Variants in TTC16 observed in about 807,000 individuals in gnomAD.
TTC16 encodes the protein tetratricopeptide repeat protein 16.
Under a neutral mutation model 80.4 loss-of-function variants are expected in TTC16, and 66 were observed. That is an observed-to-expected ratio of 0.82 (90% confidence interval 0.67 to 1.01). The LOEUF (loss-of-function observed/expected upper bound fraction) is 1.01. TTC16 is among the 50% of genes least tolerant of loss of function. The probability of loss-of-function intolerance (pLI) is 0.00; values close to 1 mark genes in which losing one functional copy is unlikely to be tolerated. For synonymous variants in TTC16, 438 were observed against 451.3 expected (o/e 0.97, Z 0.37); for missense variants, 1,070 against 1,103.2 (o/e 0.97, Z 0.43).
At chr9:127,717,245 T>C in intron 2 of TTC16, 89 bp from the exon 3 acceptor site, 1 of 1,382,866 alleles carries the variant, frequency 7.2e-7, no homozygotes, top group Non-Finnish European at 1.0e-6. Context: ...CCCAGCTCCC[T>C]TGCTTCCCAC....
In TTC16 at chr9:127,724,213, G is replaced by A. The variant is rs1843724470; in HGVS notation, c.966G>A (p.Met322Ile). The stretch of plus-strand genomic sequence containing the variant: ...TGGTGACCGAGGACCAGGAGGACAT[G>A]GTGCGGCAGGCACAGCGCCAGCTGT... ...LDMVTEDQEDMVRQAQRQLLL... is the reference protein window; with the variant it reads ...LDMVTEDQEDIVRQAQRQLLL... The change falls in exon 8 of 14, where the codon ATG becomes ATA. Residue 322 changes from methionine to isoleucine, a missense_variant. Transcript: ENST00000373289. 1 of 1,613,174 alleles carries A rather than the reference G, an allele frequency of 6.2e-7. No homozygotes were observed. The highest frequency in any genetic ancestry group is 1.6e-4 in the Middle Eastern group (1 of 6,062).
chr9:127,720,038 TG>T (rs1165965595), intron 4 of TTC16, 39 bp from the exon 5 acceptor site: 1 of 1,591,216 alleles, frequency 6.3e-7, no homozygotes, highest in Non-Finnish European at 8.6e-7. Context: ...GCAGCTGGGC[TG>T]GGGTGGCAAG....
In TTC16 at chr9:127,724,140, T is replaced by C. The variant is rs769321657; in HGVS notation, c.893T>C (p.Leu298Pro). The C allele has an allele frequency of 1.9e-6, 3 of 1,612,366 alleles. No homozygotes were observed. The highest frequency in any genetic ancestry group is 2.2e-5 in the South Asian group (2 of 91,032). Residue 298 changes from leucine to proline, a missense_variant, in exon 8 of 14, where the codon CTC becomes CCC. By Grantham distance (98) the Leu-to-Pro change is moderately conservative. Transcript: ENST00000373289. ...FLFRGTMYRR[L>P]QEFDGAVEDF... ...GACAGGGGCACCATGTACCGACGGCTCCAGGAGTTCGATGGGGCAGTGGAG... is the reference window on the plus strand; with the variant it reads ...GACAGGGGCACCATGTACCGACGGCCCCAGGAGTTCGATGGGGCAGTGGAG...
chr9:127,730,144 C>T (rs897344188), intron 13 of TTC16: 12 of 224,740 alleles, frequency 5.3e-5, no homozygotes, highest in Non-Finnish European at 1.1e-4. Flanking sequence ...GTGCTCAATA[C>T]TAGGCACAGG....
At chr9:127,720,205 C>T (rs574991048) in intron 5 of TTC16, 27 bp downstream of exon 5, 4 of 1,613,604 alleles carry the variant, frequency 2.5e-6, no homozygotes, top group South Asian at 1.1e-5. Flanking sequence ...GCCCCTTCTC[C>T]CAGCACCCAC....
At chr9:127,721,382 G>T (rs1265966652) in intron 6 of TTC16, among the ~76,000 whole-genome samples, 1 of 152,066 alleles carries the variant, frequency 6.6e-6, no homozygotes, top group Non-Finnish European at 1.5e-5. Flanking sequence ...CAGAAGGCAG[G>T]GCCGGAGTCT....
rs760262717 is a variant in TTC16 at position 127,716,956 on chromosome 9, G to A, written c.131G>A (p.Ser44Asn). The A allele has an allele frequency of 2.5e-5, 40 of 1,614,078 alleles. No homozygotes were observed. Among genetic ancestry groups the A allele is most frequent in the Non-Finnish European group, 3.4e-5 (40 of 1,180,018 alleles). Residue 44 changes from serine to asparagine, a missense_variant, in exon 2 of 14, where the codon AGC becomes AAC. Transcript: ENST00000373289. ...TTTGGGACCAGCCACGTGTTCCAAA[G>A]CATCTGTGATGTAAAACCAAAGGTC... ...HIFGTSHVFQ[S>N]ICDVKPKVTG...
chr9:127,719,694 T>C (rs938145906), intron 4 of TTC16, among the ~76,000 whole-genome samples: 1 of 152,222 alleles, frequency 6.6e-6, no homozygotes, highest in Non-Finnish European at 1.5e-5. Flanking sequence ...GGTTTCACCA[T>C]GTTGGCCAGG....
At chr9:127,716,322 C>T in intron 1 of TTC16, 159 bp downstream of exon 1, 2 of 1,094,426 alleles carry the variant, frequency 1.8e-6, no homozygotes, top group Non-Finnish European at 2.7e-6. Flanking sequence ...TGTGAAAGAT[C>T]CTTGTAAGGC....
rs1231656773 is a variant in TTC16 at position 127,731,039 on chromosome 9, C to G, written c.2256C>G (p.Thr752=). Residue 752 remains threonine (T), a synonymous_variant, in exon 14 of 14, where the codon ACC becomes ACG. Transcript: ENST00000373289. The part of the protein sequence containing the change: ...QRQSSSEIEA[T]QGPRQEPSKT... ...AGAGCTCCAGCGAGATTGAGGCCAC[C>G]CAGGGCCCAAGGCAGGAGCCCAGCA... The G allele has an allele frequency of 3.7e-6, 6 of 1,612,786 alleles. No homozygotes were observed. The highest frequency in any genetic ancestry group is 4.2e-6 in the Non-Finnish European group (5 of 1,179,920).
In TTC16 at chr9:127,729,571, C is replaced by T. The variant is rs1159178461; in HGVS notation, c.1765-10C>T. 6.2e-7 allele frequency: 1 copy of T among 1,613,340 alleles called. No homozygotes were observed. The highest frequency in any genetic ancestry group is 1.3e-5 in the African/African-American group (1 of 74,918). ...ACCATCTGAACTACAAAGCCTGTTT[C>T]TTGCCATAGGAGAAAAAATCAGAGC... On this transcript the variant is annotated splice_polypyrimidine_tract_variant and intron_variant, in intron 12 of 13. Transcript: ENST00000373289.
Position 127,724,376 on chromosome 9 carries a change from C to G in TTC16, c.1117+12C>G. 1 of 1,611,558 alleles carries G rather than the reference C, an allele frequency of 6.2e-7. No individual in the cohort carries two copies. ...CATCAACCGAGGCGGTGCGCAGCGA[C>G]CAGGGCACTGGGGAGGGGGGGTGCG... On this transcript the variant is annotated intron_variant, in intron 8 of 13. Transcript: ENST00000373289.
At chr9:127,730,491 G>A in intron 13 of TTC16, 145 bp from the exon 14 acceptor site, 1 of 1,266,006 alleles carries the variant, frequency 7.9e-7, no homozygotes, top group Non-Finnish European at 1.1e-6. Context: ...TGGGGGCTGG[G>A]CGGGGGTGAT....
rs1420237898 is a variant in TTC16 at position 127,717,421 on chromosome 9, G to A, written c.279G>A (p.Gln93=). ...CCCGCGCACTCCACCTGGACCCACA[G>A]CTGGTGAGAGGCAGACCTGGGTGGG... ...LFSRALHLDP[Q]LVDFYALRAE... The change falls in exon 3 of 14, where the codon CAG becomes CAA. Residue 93 remains glutamine (Q), a synonymous_variant. Coordinates refer to ENST00000373289, the MANE Select transcript of TTC16 (RefSeq NM_144965.3). 6.2e-7 allele frequency: 1 copy of A among 1,612,070 alleles called. No individual in the cohort carries two copies. The highest frequency in any genetic ancestry group is 8.5e-7 in the Non-Finnish European group (1 of 1,178,880).
intron 8 of TTC16, 65 bp downstream of exon 8, chr9:127,724,429 C>CA: frequency 1.9e-6 from 3 of 1,585,542 alleles, no homozygotes; most frequent in Non-Finnish European, 2.6e-6. Flanking sequence ...CTAAGGCCCC[C>CA]ACTGGGCACT....
Position 127,730,509 on chromosome 9 carries a change from T to A in TTC16, c.1853-127T>A, listed in dbSNP as rs373897230. ...GGGCTGGGCGGGGGTGATCTGCAGG[T>A]CTTTCCCTTTGGTGATGCGAAGCCT... On this transcript the variant is annotated intron_variant, in intron 13 of 13. Coordinates refer to ENST00000373289, the MANE Select transcript of TTC16 (RefSeq NM_144965.3). The A allele has an allele frequency of 2.9e-6, 4 of 1,403,438 alleles. No homozygotes were observed. In the African/African-American group the frequency reaches 5.8e-5, roughly 20 times the overall value. 86.9% of individuals were successfully genotyped at this position (1,403,438 alleles called of 1,614,324 possible). A position where few individuals can be genotyped will look rare whatever the true frequency, so the allele number is the denominator to read the frequency against.
chr9:127,716,134 G>A lies in TTC16; in HGVS notation c.-12G>A, dbSNP rs370034474. The A allele has an allele frequency of 1.3e-5, 21 of 1,613,876 alleles. No homozygotes were observed. The highest frequency in any genetic ancestry group is 1.4e-5 in the Non-Finnish European group (16 of 1,180,026). ...TTGGCAGAGGCCTCGGGGTCCTCCT[G>A]GAAGGGGCCTCATGACAGATTCGGA... On this transcript the variant is annotated 5_prime_UTR_variant, in exon 1 of 14. Transcript: ENST00000373289.
In TTC16 at chr9:127,724,791, G is replaced by A; in HGVS notation, c.1153G>A (p.Glu385Lys). 3.1e-6 allele frequency: 5 copies of A among 1,610,608 alleles called. No homozygotes were observed. Among genetic ancestry groups the A allele is most frequent in the African/African-American group, 1.3e-5 (1 of 75,042 alleles). ...CCAGCTGGGCAACCTGGCCTTTGCCGAGGCGGACTACCAGCAGGCGCTGGC... is the reference window on the plus strand; with the variant it reads ...CCAGCTGGGCAACCTGGCCTTTGCCAAGGCGGACTACCAGCAGGCGCTGGC... ...FFQLGNLAFA[E>K]ADYQQALALS... Residue 385 changes from glutamate to lysine, a missense_variant, in exon 9 of 14, where the codon GAG becomes AAG. Coordinates refer to ENST00000373289, the MANE Select transcript of TTC16 (RefSeq NM_144965.3).
chr9:127,730,428 G>C, intron 13 of TTC16: 1 of 660,570 alleles, frequency 1.5e-6, no homozygotes, highest in East Asian at 2.8e-5. Context: ...GGAGAAGGGG[G>C]CTCCTAGGCA....
Sources: allele counts gnomAD v4.1 joint callset (sites outside exome capture counted in the v4.1 genomes callset), GRCh38; gene constraint gnomAD v4.1.1; transcripts MANE v1.5; gene names NCBI Gene and HGNC (gene_info 2026-07-23, HGNC 2026-07-21).